The following SLC25A48 variants were observed in gnomAD, a reference collection of about 807,000 sequenced individuals.
SLC25A48 encodes solute carrier family 25 member 48, also known as CTC-321K16.1.
A neutral mutation model predicts 32.2 loss-of-function variants in SLC25A48; 29 were observed. That is an observed-to-expected ratio of 0.90 (90% confidence interval 0.67 to 1.23). The LOEUF (loss-of-function observed/expected upper bound fraction) is 1.23. Ranked by LOEUF, SLC25A48 falls within the 50% of genes most tolerant of loss-of-function variation. The probability of loss-of-function intolerance (pLI) is 0.00; values close to 1 mark genes in which losing one functional copy is unlikely to be tolerated. For synonymous variants in SLC25A48, 164 were observed against 172.3 expected, an observed-to-expected ratio of 0.95 and a Z score of 0.38; for missense variants, 399 against 422.7, an observed-to-expected ratio of 0.94 and a Z score of 0.49.
At chr5:135,842,589 A>G (rs1037585949) in intron 2 of SLC25A48, 130 bp downstream of exon 2, 53 of 937,224 alleles carry the variant, frequency 5.7e-5, no homozygotes, top group Non-Finnish European at 8.4e-5. Context: ...TTGCCAGTCC[A>G]GGGGGTGTTG....
intron 3 of SLC25A48, among the ~76,000 whole-genome samples, chr5:135,669,248 T>C (rs972096846): frequency 1.3e-5 from 2 of 152,120 alleles, no homozygotes; most frequent in African/African-American, 4.8e-5. Context: ...GCATTCAGCC[T>C]CTGTCATGCA....
intron 4 of SLC25A48, chr5:135,821,599 T>C (rs1271979085): frequency 6.6e-6 from 1 of 152,186 alleles, no homozygotes; most frequent in South Asian, 2.1e-4. Context: ...TTCCAGAAGA[T>C]GTTTGCATTC....
chr5:135,719,948 T>C (rs1407177850), intron 3 of SLC25A48, among the ~76,000 whole-genome samples: 3 of 152,208 alleles, frequency 2.0e-5, no homozygotes, highest in Non-Finnish European at 2.9e-5. Flanking sequence ...ATGGCTGCAG[T>C]CCACCCAGCA....
intron 3 of SLC25A48, among the ~76,000 whole-genome samples, chr5:135,764,809 T>G (rs1000150218): frequency 6.6e-6 from 1 of 151,692 alleles, no homozygotes; most frequent in African/African-American, 2.4e-5. Flanking sequence ...TTACTCCCCA[T>G]ATCACGGGGG....
chr5:135,761,538 C>A (rs1012854373), intron 3 of SLC25A48, among the ~76,000 whole-genome samples: 16 of 152,048 alleles, frequency 1.1e-4, no homozygotes, highest in South Asian at 2.1e-4. Context: ...AACCATAAAA[C>A]TAACCAAAAA....
At chr5:135,834,464 G>C (rs1471845383), upstream of SLC25A48, among the ~76,000 whole-genome samples, 2 of 152,274 alleles carry the variant, frequency 1.3e-5, no homozygotes, top group African/African-American at 4.8e-5. Flanking sequence ...TGGGCGGCTG[G>C]CACTTTCAGT....
At chr5:135,825,974 C>G (rs924882367) in intron 4 of SLC25A48, 1 of 152,372 alleles carries the variant, frequency 6.6e-6, no homozygotes, top group Non-Finnish European at 1.5e-5. Context: ...CCCCAGCACC[C>G]ACTGACTGTC....
At chr5:135,858,899 C>T (rs967563403) in intron 4 of SLC25A48, among the ~76,000 whole-genome samples, 13 of 152,096 alleles carry the variant, frequency 8.5e-5, no homozygotes, top group Non-Finnish European at 1.6e-4. Flanking sequence ...CTCCCTTGCC[C>T]TCAGTTGCTT....
At chr5:135,724,961 C>T (rs1369507015) in intron 3 of SLC25A48, among the ~76,000 whole-genome samples, 1 of 152,266 alleles carries the variant, frequency 6.6e-6, no homozygotes, top group African/African-American at 2.4e-5. Context: ...GCCTTGGCTA[C>T]TGGCCTGCCT....
chr5:135,598,519 GT>G (rs1297811965), intron 1 of SLC25A48, among the ~76,000 whole-genome samples: 2 of 152,158 alleles, frequency 1.3e-5, no homozygotes, highest in Non-Finnish European at 2.9e-5. Flanking sequence ...CTTATAAAGG[GT>G]TGCAGCCTGC....
intron 3 of SLC25A48, among the ~76,000 whole-genome samples, chr5:135,791,971 A>ATG (rs577000821): frequency 1.7e-3 from 264 of 151,912 alleles, no homozygotes; most frequent in African/African-American, 5.9e-3. Context: ...CACGGTGTAC[A>ATG]CACTGTGATA....
chr5:135,594,825 A>G (rs554588155), intron 1 of SLC25A48, among the ~76,000 whole-genome samples: 19 of 152,310 alleles, frequency 1.2e-4, no homozygotes, highest in African/African-American at 4.1e-4. Flanking sequence ...ATTTGACAGC[A>G]TGAAGAGCAC....
At chr5:135,791,322 G>A (rs867679863) in intron 3 of SLC25A48, among the ~76,000 whole-genome samples, 2 of 151,772 alleles carry the variant, frequency 1.3e-5, no homozygotes, top group South Asian at 4.1e-4. Flanking sequence ...GATGTCACAG[G>A]TGATCTATAA....
At chr5:135,685,676 G>A (rs928045471) in intron 3 of SLC25A48, among the ~76,000 whole-genome samples, 2 of 152,088 alleles carry the variant, frequency 1.3e-5, no homozygotes, top group African/African-American at 2.4e-5. Context: ...CACCCACCTC[G>A]GCCTTCCAAA....
chr5:135,595,318 G>A (rs1751622986), intron 1 of SLC25A48, among the ~76,000 whole-genome samples: 1 of 152,194 alleles, frequency 6.6e-6, no homozygotes, highest in Non-Finnish European at 1.5e-5. Context: ...CCCTGGAGTT[G>A]TGGGACATGG....
At chr5:135,725,686 G>C (rs1162451178) in intron 3 of SLC25A48, among the ~76,000 whole-genome samples, 1 of 152,150 alleles carries the variant, frequency 6.6e-6, no homozygotes, top group Non-Finnish European at 1.5e-5. Flanking sequence ...GGTGTTAGCT[G>C]TAGCTCTAGG....
chr5:135,818,589 C>T (rs1005965107), intron 4 of SLC25A48, among the ~76,000 whole-genome samples: 12 of 152,126 alleles, frequency 7.9e-5, no homozygotes, highest in African/African-American at 2.7e-4. Flanking sequence ...AAATTGATTT[C>T]CTGATAAAGC....
At chr5:135,761,588 G>A (rs1392585472) in intron 3 of SLC25A48, among the ~76,000 whole-genome samples, 2 of 152,150 alleles carry the variant, frequency 1.3e-5, no homozygotes, top group African/African-American at 4.8e-5. Context: ...AGAGGAAAGT[G>A]TTTAAAAAAA....
chr5:135,648,336 C>T (rs948103164), intron 3 of SLC25A48, among the ~76,000 whole-genome samples: 3 of 152,194 alleles, frequency 2.0e-5, no homozygotes, highest in African/African-American at 4.8e-5. Context: ...AGGCAGCCAG[C>T]CTGCCTGACG....
Sources: allele counts gnomAD v4.1 joint callset (sites outside exome capture counted in the v4.1 genomes callset), GRCh38; gene constraint gnomAD v4.1.1; transcripts MANE v1.5; gene names NCBI Gene and HGNC (gene_info 2026-07-23, HGNC 2026-07-21).